TBXAS1: variants seen among roughly 807,000 people sequenced by gnomAD.
TBXAS1 encodes the protein thromboxane A synthase 1, also known as thromboxane-A synthase.
Under a neutral mutation model 60.7 loss-of-function variants are expected in TBXAS1, and 48 were observed. That is an observed-to-expected ratio of 0.79 (90% confidence interval 0.63 to 1.01). The LOEUF is 1.01. Among genes scored for constraint, TBXAS1 ranks in the 50% least tolerant of loss-of-function variants. The pLI is 0.00. For synonymous variants in TBXAS1, 287 were observed against 269.7 expected (o/e 1.06, Z -0.63); for missense variants, 685 against 686.3 (o/e 1.00, Z 0.02).
In TBXAS1 at chr7:139,829,478, T is replaced by C. The variant is rs146180153; in HGVS notation, c.88T>C (p.Trp30Arg). 4 of 1,613,346 alleles carry C rather than the reference T, an allele frequency of 2.5e-6. No individual in the cohort carries two copies. The highest frequency in any genetic ancestry group is 3.4e-6 in the Non-Finnish European group (4 of 1,179,810). Residue 30 changes from tryptophan to arginine, a missense_variant and splice_region_variant, in exon 1 of 13, where the codon TGG (tryptophan) becomes CGG (arginine). By Grantham distance (101) the Trp-to-Arg change is moderately radical. Coordinates refer to ENST00000448866, the MANE Select transcript of TBXAS1 (RefSeq NM_001061.7). ...AGTGGCTCTCTTGGCCCTCCTGAAA[T>C]GGTAAGTGCAGCCAGCCCTAGGGAC... ...LSVALLALLK[W>R]YSTSAFSRLE...
In TBXAS1 at chr7:140,020,025, G is replaced by A; in HGVS notation, c.1528G>A (p.Val510Ile). ...AATATTTTAATTTTCTCTATTTTAG[G>A]TACCGCTGCAGCTAGAATCCAAATC... ...FRFQACPETQ[V>I]PLQLESKSAL... Residue 510 changes from valine (V) to isoleucine (I), a missense_variant and splice_region_variant, in exon 13 of 13, where the codon GTA (valine) becomes ATA (isoleucine). Val to Ile is a conservative substitution (Grantham distance 29). Coordinates refer to ENST00000448866, the MANE Select transcript of TBXAS1 (RefSeq NM_001061.7). 6.2e-7 allele frequency: 1 copy of A among 1,613,302 alleles called. No individual in the cohort carries two copies. The highest frequency in any genetic ancestry group is 8.5e-7 in the Non-Finnish European group (1 of 1,179,646).
At chr7:139,804,876 C>T (rs1360696663) in intron 4 of TBXAS1, among the ~76,000 whole-genome samples, 1 of 152,160 alleles carries the variant, frequency 6.6e-6, no homozygotes, top group East Asian at 1.9e-4. Context: ...CTTGGTATTT[C>T]TTCATAGCAG....
intron 4 of TBXAS1, among the ~76,000 whole-genome samples, chr7:139,814,397 G>C (rs946958824): frequency 7.2e-5 from 11 of 152,164 alleles, no homozygotes; most frequent in African/African-American, 2.7e-4. Flanking sequence ...ACAGTGTCAG[G>C]TAAGGAGTTA....
chr7:139,940,851 C>T (rs1037062459), intron 5 of TBXAS1, among the ~76,000 whole-genome samples: 5 of 152,094 alleles, frequency 3.3e-5, no homozygotes, highest in African/African-American at 1.2e-4. Context: ...AACCGAGAAG[C>T]TTTCTACCTA....
At chr7:139,846,213 G>A (rs576077829) in intron 1 of TBXAS1, among the ~76,000 whole-genome samples, 8 of 152,222 alleles carry the variant, frequency 5.3e-5, no homozygotes, top group South Asian at 2.1e-4. Context: ...CGAGCACTTC[G>A]GCAGCTTGCT....
intron 3 of TBXAS1, among the ~76,000 whole-genome samples, chr7:139,905,174 G>A (rs1052520025): frequency 6.6e-6 from 1 of 151,680 alleles, no homozygotes; most frequent in Admixed American, 6.6e-5. Context: ...TGGTGGGAGT[G>A]GGCATCCTTG....
intron 4 of TBXAS1, among the ~76,000 whole-genome samples, chr7:139,797,012 T>A (rs1368248627): frequency 6.6e-6 from 1 of 152,224 alleles, no homozygotes; most frequent in Non-Finnish European, 1.5e-5. Flanking sequence ...ATTGGTAAGA[T>A]ATGCTCTCAT....
intron 12 of TBXAS1, among the ~76,000 whole-genome samples, chr7:140,019,745 G>A (rs974759989): frequency 1.3e-5 from 2 of 152,204 alleles, no homozygotes; most frequent in African/African-American, 2.4e-5. Context: ...AGTGAGGCCA[G>A]ACCACAGCAC....
chr7:139,839,825 G>T (rs530970953), intron 1 of TBXAS1, among the ~76,000 whole-genome samples: 1 of 151,334 alleles, frequency 6.6e-6, no homozygotes, highest in Admixed American at 6.6e-5. Flanking sequence ...CACTACACTC[G>T]CACTCCAGCC....
At chr7:139,923,546 T>C (rs1806652981) in intron 4 of TBXAS1, among the ~76,000 whole-genome samples, 3 of 151,934 alleles carry the variant, frequency 2.0e-5, no homozygotes, top group Admixed American at 1.3e-4. Context: ...GATACATGCA[T>C]GCAATGTATA....
intron 10 of TBXAS1, among the ~76,000 whole-genome samples, chr7:140,014,908 C>CAA (rs771922926): frequency 2.3e-5 from 3 of 131,278 alleles, no homozygotes; most frequent in Admixed American, 7.9e-5. Context: ...GACCCTGTCT[C>CAA]AAAAAAAAAG....
intron 5 of TBXAS1, among the ~76,000 whole-genome samples, chr7:139,948,624 A>G (rs1569517813): frequency 1.3e-5 from 2 of 152,236 alleles, no homozygotes; most frequent in Non-Finnish European, 2.9e-5. Context: ...TCATTATCCC[A>G]TGAAGAAGAT....
chr7:139,987,916 A>C (rs1415008363), intron 9 of TBXAS1, among the ~76,000 whole-genome samples: 1 of 152,230 alleles, frequency 6.6e-6, no homozygotes, highest in Non-Finnish European at 1.5e-5. Context: ...CACCATGCAG[A>C]TCACCAGTTC....
chr7:139,950,013 T>C (rs1398629190), intron 5 of TBXAS1, among the ~76,000 whole-genome samples: 2 of 149,860 alleles, frequency 1.3e-5, no homozygotes, highest in Non-Finnish European at 1.5e-5. Flanking sequence ...GAAGAAAGAA[T>C]AGCCCAGTGT....
chr7:139,787,831 C>T (rs1797247025), intron 4 of TBXAS1, among the ~76,000 whole-genome samples: 1 of 152,132 alleles, frequency 6.6e-6, no homozygotes, highest in Non-Finnish European at 1.5e-5. Context: ...CCTGGGATTG[C>T]CCTCTCAGAA....
intron 4 of TBXAS1, among the ~76,000 whole-genome samples, chr7:139,819,877 C>G (rs774389969): frequency 4.0e-5 from 6 of 151,826 alleles, no homozygotes; most frequent in African/African-American, 9.7e-5. Flanking sequence ...TGACATATTT[C>G]CTTGGAGGCA....
chr7:139,943,019 C>G (rs527950556), intron 5 of TBXAS1, among the ~76,000 whole-genome samples: 1 of 152,198 alleles, frequency 6.6e-6, no homozygotes, highest in Non-Finnish European at 1.5e-5. Flanking sequence ...GTCATCATCA[C>G]AGTTTAGTTT....
intron 4 of TBXAS1, among the ~76,000 whole-genome samples, chr7:139,922,760 T>G (rs907891004): frequency 1.3e-5 from 2 of 152,226 alleles, no homozygotes; most frequent in Non-Finnish European, 2.9e-5. Flanking sequence ...CTCTCACTAT[T>G]GGGACTATGA....
intron 5 of TBXAS1, among the ~76,000 whole-genome samples, chr7:139,945,702 A>G (rs1808647774): frequency 6.6e-6 from 1 of 152,172 alleles, no homozygotes; most frequent in Admixed American, 6.5e-5. Flanking sequence ...TTACCCCAAA[A>G]CTTAGTGGCT....
Sources: allele counts gnomAD v4.1 joint callset (sites outside exome capture counted in the v4.1 genomes callset), GRCh38; gene constraint gnomAD v4.1.1; transcripts MANE v1.5; gene names NCBI Gene and HGNC (gene_info 2026-07-23, HGNC 2026-07-21).